CLSTN2: variants seen among roughly 807,000 people sequenced by gnomAD.
CLSTN2 encodes calsyntenin 2.
Under a neutral mutation model 101.2 loss-of-function variants are expected in CLSTN2, and 48 were observed. The observed-to-expected ratio is 0.47, with a 90% confidence interval of 0.38 to 0.60. The LOEUF (loss-of-function observed/expected upper bound fraction) is 0.60. Ranked by LOEUF, CLSTN2 falls within the 20% of genes least tolerant of loss-of-function variation. The pLI is 0.00. For synonymous variants in CLSTN2, 481 were observed against 463.6 expected (o/e 1.04, Z -0.48); for missense variants, 1,160 against 1,238.2 (o/e 0.94, Z 0.95).
At chr3:140,277,445 G>A (rs1395937197) in intron 2 of CLSTN2, among the ~76,000 whole-genome samples, 1 of 152,178 alleles carries the variant, frequency 6.6e-6, no homozygotes, top group Admixed American at 6.5e-5. Flanking sequence ...GATTCCTTCT[G>A]AATAGTTCTG....
chr3:140,029,920 CAGA>C (rs1321276190), intron 1 of CLSTN2, among the ~76,000 whole-genome samples: 1 of 152,140 alleles, frequency 6.6e-6, no homozygotes, highest in Non-Finnish European at 1.5e-5. Flanking sequence ...TGCCAGAATG[CAGA>C]AGATGCCCTA....
chr3:140,184,496 C>A (rs1460006788), intron 2 of CLSTN2, among the ~76,000 whole-genome samples: 1 of 152,050 alleles, frequency 6.6e-6, no homozygotes, highest in East Asian at 1.9e-4. Flanking sequence ...TTGGGAAAAC[C>A]ACCCCCATGA....
chr3:140,543,510 G>A (rs192004503), intron 9 of CLSTN2, among the ~76,000 whole-genome samples: 367 of 152,322 alleles, frequency 2.4e-3, no homozygotes, highest in Non-Finnish European at 4.0e-3. Flanking sequence ...ACAACACTGT[G>A]GGTCAAAATG....
intron 8 of CLSTN2, among the ~76,000 whole-genome samples, chr3:140,521,414 A>G (rs1302394989): frequency 1.3e-5 from 2 of 152,062 alleles, no homozygotes; most frequent in African/African-American, 4.8e-5. Context: ...TCCAGACCCT[A>G]GTTGCCTCAG....
chr3:140,051,824 A>G (rs925046099), intron 1 of CLSTN2, among the ~76,000 whole-genome samples: 1 of 152,114 alleles, frequency 6.6e-6, no homozygotes, highest in Non-Finnish European at 1.5e-5. Flanking sequence ...AAAGCACTAC[A>G]CCTTAGAGCA....
At chr3:140,050,113 G>T (rs963278517) in intron 1 of CLSTN2, among the ~76,000 whole-genome samples, 24 of 152,324 alleles carry the variant, frequency 1.6e-4, no homozygotes, top group African/African-American at 5.8e-4. Context: ...TGCTTACACA[G>T]TGCCTGGCAC....
intron 5 of CLSTN2, among the ~76,000 whole-genome samples, chr3:140,440,614 A>G (rs1162490536): frequency 6.6e-6 from 1 of 152,202 alleles, no homozygotes; most frequent in Non-Finnish European, 1.5e-5. Flanking sequence ...GAAATAGGTA[A>G]TGATATCATT....
chr3:140,321,688 G>C (rs888854613), intron 2 of CLSTN2, among the ~76,000 whole-genome samples: 1 of 152,082 alleles, frequency 6.6e-6, no homozygotes, highest in Non-Finnish European at 1.5e-5. Context: ...GATAACCCGA[G>C]TTCCCCTCCT....
intron 2 of CLSTN2, among the ~76,000 whole-genome samples, chr3:140,325,308 G>C (rs983555189): frequency 6.6e-6 from 1 of 152,180 alleles, no homozygotes; most frequent in Non-Finnish European, 1.5e-5. Context: ...CCAGCAGTGG[G>C]TTCCCACAGC....
intron 2 of CLSTN2, among the ~76,000 whole-genome samples, chr3:140,372,600 T>A (rs1385083521): frequency 6.6e-6 from 1 of 152,004 alleles, no homozygotes; most frequent in Non-Finnish European, 1.5e-5. Flanking sequence ...GTGAGGTGAG[T>A]CTGAAGACAA....
At chr3:140,331,247 A>G (rs184998228) in intron 2 of CLSTN2, among the ~76,000 whole-genome samples, 1 of 152,282 alleles carries the variant, frequency 6.6e-6, no homozygotes. Flanking sequence ...AGAGAGAGAA[A>G]GAGGACTCGG....
chr3:140,424,939 C>A (rs1399540437), intron 5 of CLSTN2, among the ~76,000 whole-genome samples: 2 of 152,070 alleles, frequency 1.3e-5, no homozygotes, highest in African/African-American at 2.4e-5. Context: ...GAGCCTCAAC[C>A]CCCTCAGATC....
chr3:140,063,258 A>C (rs2008237021), intron 1 of CLSTN2, among the ~76,000 whole-genome samples: 1 of 151,042 alleles, frequency 6.6e-6, no homozygotes, highest in South Asian at 2.1e-4. Context: ...TTCCCACCTA[A>C]ATTTTAGTAC....
chr3:140,169,948 T>C (rs2010187310), intron 1 of CLSTN2, among the ~76,000 whole-genome samples: 1 of 152,166 alleles, frequency 6.6e-6, no homozygotes, highest in Non-Finnish European at 1.5e-5. Context: ...GTATCTTCAT[T>C]TTACAAATGA....
intron 2 of CLSTN2, among the ~76,000 whole-genome samples, chr3:140,192,007 C>T (rs2010571952): frequency 6.6e-6 from 1 of 151,820 alleles, no homozygotes; most frequent in African/African-American, 2.4e-5. Flanking sequence ...TTAGCTGTAT[C>T]CCACAAATTT....
chr3:140,387,246 A>C (rs1260050275), intron 2 of CLSTN2, among the ~76,000 whole-genome samples: 2 of 152,220 alleles, frequency 1.3e-5, no homozygotes, highest in Non-Finnish European at 2.9e-5. Context: ...TGGCTTGAGA[A>C]GCCAGAGCAG....
chr3:140,217,152 C>A (rs566910736), intron 2 of CLSTN2, among the ~76,000 whole-genome samples: 1 of 152,334 alleles, frequency 6.6e-6, no homozygotes, highest in South Asian at 2.1e-4. Context: ...AATCTTCTGA[C>A]TTTACAGTTT....
At chr3:140,425,100 G>A (rs73867168) in intron 5 of CLSTN2, among the ~76,000 whole-genome samples, 4,022 of 152,288 alleles carry the variant, frequency 0.026, 167 homozygotes, top group African/African-American at 0.09. Context: ...CCTGTTCTAA[G>A]CCATTTCCTT....
At chr3:140,355,394 T>C (rs1262317180) in intron 2 of CLSTN2, among the ~76,000 whole-genome samples, 1 of 152,192 alleles carries the variant, frequency 6.6e-6, no homozygotes, top group African/African-American at 2.4e-5. Context: ...TTCATAGGAT[T>C]GTTGTGAGGC....
Sources: gnomAD v4.1 joint callset for allele counts (sites outside exome capture counted in the v4.1 genomes callset) on GRCh38, gnomAD v4.1.1 for gene constraint, MANE v1.5 for transcripts, NCBI Gene and HGNC (gene_info 2026-07-23, HGNC 2026-07-21) for gene names.